The following SGCG variants were observed in gnomAD, a reference collection of about 807,000 sequenced individuals.
SGCG encodes sarcoglycan gamma.
Under a neutral mutation model 29.3 loss-of-function variants are expected in SGCG, and 26 were observed. That is an observed-to-expected ratio of 0.89 (90% CI 0.65 to 1.23). SGCG has a LOEUF of 1.23. Ranked by LOEUF, SGCG falls within the 50% of genes most tolerant of loss-of-function variation. SGCG has a pLI of 0.00. For synonymous variants in SGCG, 145 were observed against 129.7 expected, an observed-to-expected ratio of 1.12 and a Z score of -0.80; for missense variants, 353 against 356.0, an observed-to-expected ratio of 0.99 and a Z score of 0.07.
chr13:23,172,196 C>G, the SGCG span, among the ~76,000 whole-genome samples: 2 of 152,254 alleles, frequency 1.3e-5, no homozygotes, highest in South Asian at 2.1e-4. Context: ...AGGGAGATGT[C>G]CAATAAGCTC....
intron 1 of SGCG, among the ~76,000 whole-genome samples, chr13:23,196,621 T>TG (rs1877522606): frequency 6.6e-6 from 1 of 152,044 alleles, no homozygotes; most frequent in Non-Finnish European, 1.5e-5. Context: ...TATTGGATTT[T>TG]TTTCTGTTTT....
chr13:23,249,569 T>TA (rs1441025026), intron 3 of SGCG, among the ~76,000 whole-genome samples: 7 of 152,246 alleles, frequency 4.6e-5, no homozygotes, highest in Non-Finnish European at 1.0e-4. Flanking sequence ...ATGTGATTTT[T>TA]AAAAAACCCA....
At chr13:23,228,815 G>A (rs1878997708) in intron 2 of SGCG, among the ~76,000 whole-genome samples, 1 of 152,066 alleles carries the variant, frequency 6.6e-6, no homozygotes, top group Non-Finnish European at 1.5e-5. Context: ...CCTTCTTATG[G>A]CTGCATAGTA....
intron 4 of SGCG, among the ~76,000 whole-genome samples, chr13:23,275,704 G>C (rs1418160240): frequency 6.6e-6 from 1 of 152,144 alleles, no homozygotes; most frequent in African/African-American, 2.4e-5. Flanking sequence ...AAGGTCATTA[G>C]TGCCAGGCTT....
chr13:23,220,350 T>G (rs1040775020), intron 2 of SGCG, among the ~76,000 whole-genome samples: 6 of 152,008 alleles, frequency 3.9e-5, no homozygotes, highest in African/African-American at 1.4e-4. Context: ...CTTGAGAGGT[T>G]AAGGCAGGAG....
intron 2 of SGCG, among the ~76,000 whole-genome samples, chr13:23,204,859 C>A (rs535363110): frequency 2.1e-4 from 32 of 151,936 alleles, no homozygotes; most frequent in African/African-American, 7.2e-4. Flanking sequence ...TTCTATTATT[C>A]TTCTTCTTCA....
the SGCG span, among the ~76,000 whole-genome samples, chr13:23,165,310 A>G: frequency 6.6e-6 from 1 of 152,172 alleles, no homozygotes. Context: ...GATAAACAAA[A>G]TGAATATTGC....
intron 6 of SGCG, among the ~76,000 whole-genome samples, chr13:23,297,793 G>A (rs184678461): frequency 3.7e-4 from 56 of 151,904 alleles, no homozygotes; most frequent in Admixed American, 3.3e-3. Context: ...TGCCTAGGCT[G>A]GAGTGCAATG....
chr13:23,201,604 C>A (rs1053522686), intron 1 of SGCG, among the ~76,000 whole-genome samples: 1 of 152,184 alleles, frequency 6.6e-6, no homozygotes, highest in Non-Finnish European at 1.5e-5. Flanking sequence ...CAGAAAAACA[C>A]AGCCTTGCCC....
intron 3 of SGCG, among the ~76,000 whole-genome samples, chr13:23,250,062 T>A (rs1879902089): frequency 6.6e-6 from 1 of 152,242 alleles, no homozygotes; most frequent in African/African-American, 2.4e-5. Context: ...GTCGATTTTA[T>A]TGTGTATTTT....
At chr13:23,181,943 G>C (rs1015666349) in intron 1 of SGCG, among the ~76,000 whole-genome samples, 2 of 152,164 alleles carry the variant, frequency 1.3e-5, no homozygotes, top group African/African-American at 4.8e-5. Context: ...GTACAAAAAG[G>C]CACCTTTGTG....
At chr13:23,214,826 C>T (rs1040570578) in intron 2 of SGCG, among the ~76,000 whole-genome samples, 1 of 152,160 alleles carries the variant, frequency 6.6e-6, no homozygotes, top group African/African-American at 2.4e-5. Flanking sequence ...TTATTTATGT[C>T]TTTCTAAAAG....
At chr13:23,281,982 C>T (rs1445874523) in intron 5 of SGCG, among the ~76,000 whole-genome samples, 1 of 152,064 alleles carries the variant, frequency 6.6e-6, no homozygotes, top group Admixed American at 6.5e-5. Context: ...ATTTTTTTGC[C>T]TGAGGCACAA....
upstream of SGCG, among the ~76,000 whole-genome samples, chr13:23,178,126 C>A (rs1232293949): frequency 6.6e-6 from 1 of 152,144 alleles, no homozygotes; most frequent in Non-Finnish European, 1.5e-5. Flanking sequence ...GACAGAATTA[C>A]CTGTTCTCAT....
intron 5 of SGCG, among the ~76,000 whole-genome samples, chr13:23,285,274 G>A (rs1485289143): frequency 6.6e-6 from 1 of 152,176 alleles, no homozygotes; most frequent in Non-Finnish European, 1.5e-5. Flanking sequence ...CCCTGACTGG[G>A]GCTACTGCCT....
intron 5 of SGCG, among the ~76,000 whole-genome samples, chr13:23,280,743 C>T (rs1264319829): frequency 6.6e-6 from 1 of 152,182 alleles, no homozygotes; most frequent in African/African-American, 2.4e-5. Flanking sequence ...ATAATATCAA[C>T]TGTACTATCA....
chr13:23,204,084 T>C (rs1363111373), intron 2 of SGCG, among the ~76,000 whole-genome samples, 195 bp downstream of exon 2: 2 of 151,738 alleles, frequency 1.3e-5, no homozygotes, highest in Non-Finnish European at 2.9e-5. Context: ...TGAACTATAG[T>C]GTGTTGGTTT....
At chr13:23,304,957 G>A (rs896938212) in intron 6 of SGCG, among the ~76,000 whole-genome samples, 2 of 125,692 alleles carry the variant, frequency 1.6e-5, no homozygotes, top group African/African-American at 5.4e-5. Flanking sequence ...ATGCGTGCAC[G>A]TGCTCACAGG....
At chr13:23,206,044 A>G (rs1478069783) in intron 2 of SGCG, among the ~76,000 whole-genome samples, 1 of 152,236 alleles carries the variant, frequency 6.6e-6, no homozygotes, top group African/African-American at 2.4e-5. Flanking sequence ...TTGATTTCTT[A>G]CTTTTGTAAT....
Sources: gnomAD v4.1 joint callset for allele counts (sites outside exome capture counted in the v4.1 genomes callset) on GRCh38, gnomAD v4.1.1 for gene constraint, MANE v1.5 for transcripts, NCBI Gene and HGNC (gene_info 2026-07-23, HGNC 2026-07-21) for gene names.